Variants in NIM1K observed in about 807,000 individuals in gnomAD.
NIM1K encodes serine/threonine-protein kinase NIM1.
Under a neutral mutation model 37.1 loss-of-function variants are expected in NIM1K, and 35 were observed. That is an observed-to-expected ratio of 0.94 (90% CI 0.72 to 1.25). NIM1K has a LOEUF of 1.25. Ranked by LOEUF, NIM1K falls within the 50% of genes most tolerant of loss-of-function variation. The pLI, the probability that NIM1K is intolerant of heterozygous loss-of-function variation, is 0.00. For missense variants in NIM1K, 564 were observed against 548.0 expected (o/e 1.03, Z -0.29); for synonymous variants, 234 against 206.6 (o/e 1.13, Z -1.14).
intron 1 of NIM1K, among the ~76,000 whole-genome samples, chr5:43,198,209 CTTTCTTTCTTTCTT>C (rs1751958230): frequency 1.7e-5 from 1 of 60,166 alleles, no homozygotes; most frequent in Admixed American, 1.9e-4. Context: ...CTTTCTTTCT[CTTTCTTTCTTTCTT>C]TCTTTCTTTC....
chr5:43,229,032 A>G (rs190991945), intron 1 of NIM1K, among the ~76,000 whole-genome samples: 1 of 152,294 alleles, frequency 6.6e-6, no homozygotes, highest in East Asian at 1.9e-4. Flanking sequence ...TACTTTTTAA[A>G]ACAATAACAC....
intron 2 of NIM1K, among the ~76,000 whole-genome samples, chr5:43,273,870 A>AT (rs547594237): frequency 1.4e-3 from 207 of 149,554 alleles, no homozygotes; most frequent in African/African-American, 3.5e-3. Flanking sequence ...GTAAGAAGGG[A>AT]TTTTTTTTTT....
At chr5:43,198,195 CTTTCTTTCTTTCTCTTTCTTTCTTTCTT>C (rs1445324720) in intron 1 of NIM1K, among the ~76,000 whole-genome samples, 100 of 53,516 alleles carry the variant, frequency 1.9e-3, no homozygotes, top group South Asian at 4.0e-3. Flanking sequence ...TTCTTTCTTT[CTTTCTTTCTTTCTCTTTCTTTCTTTCTT>C]TCTTTCTTTC....
chr5:43,260,945 CT>C (rs1158009300), intron 2 of NIM1K, among the ~76,000 whole-genome samples: 6 of 152,094 alleles, frequency 3.9e-5, no homozygotes, highest in African/African-American at 7.2e-5. Context: ...TGAACTCATC[CT>C]TTTTTATGAC....
chr5:43,196,531 A>G (rs1441069350), intron 1 of NIM1K, among the ~76,000 whole-genome samples: 1 of 151,824 alleles, frequency 6.6e-6, no homozygotes, highest in African/African-American at 2.4e-5. Context: ...GCTACTCGGG[A>G]GGCTGAGGCA....
At chr5:43,230,611 C>A (rs1364340433) in intron 1 of NIM1K, among the ~76,000 whole-genome samples, 3 of 152,184 alleles carry the variant, frequency 2.0e-5, no homozygotes, top group African/African-American at 7.2e-5. Context: ...AAATAGACAC[C>A]TCCCACTCCA....
chr5:43,239,855 G>A (rs1322367919), intron 1 of NIM1K, among the ~76,000 whole-genome samples: 1 of 151,770 alleles, frequency 6.6e-6, no homozygotes, highest in Non-Finnish European at 1.5e-5. Context: ...GAGGTTTTTT[G>A]TTTTTTGGAA....
At chr5:43,218,779 C>T (rs1288835655) in intron 1 of NIM1K, among the ~76,000 whole-genome samples, 1 of 150,100 alleles carries the variant, frequency 6.7e-6, no homozygotes, top group Non-Finnish European at 1.5e-5. Context: ...TGCAGTGGCA[C>T]AGTCACATTC....
At chr5:43,206,683 C>A in intron 1 of NIM1K, 1 of 692,674 alleles carries the variant, frequency 1.4e-6, no homozygotes, top group Non-Finnish European at 2.7e-6. Flanking sequence ...GCCACTCCCC[C>A]AGGTATGGCA....
chr5:43,255,452 G>C (rs1016302294), intron 2 of NIM1K, among the ~76,000 whole-genome samples: 3 of 152,104 alleles, frequency 2.0e-5, no homozygotes, highest in African/African-American at 7.2e-5. Context: ...AGCGATAAGT[G>C]ATAAGAAAGA....
intron 2 of NIM1K, among the ~76,000 whole-genome samples, chr5:43,271,074 C>G (rs570944423): frequency 6.6e-6 from 1 of 151,454 alleles, no homozygotes; most frequent in South Asian, 2.1e-4. Flanking sequence ...TACCTACTTA[C>G]AAGCTTCCAG....
chr5:43,206,032 A>C (rs1259887285), intron 1 of NIM1K, among the ~76,000 whole-genome samples: 5 of 152,034 alleles, frequency 3.3e-5, no homozygotes, highest in Non-Finnish European at 7.4e-5. Flanking sequence ...TACTACTACT[A>C]TTTATTTGGT....
chr5:43,268,096 T>C (rs902301744), intron 2 of NIM1K, among the ~76,000 whole-genome samples: 1 of 152,166 alleles, frequency 6.6e-6, no homozygotes, highest in Non-Finnish European at 1.5e-5. Flanking sequence ...TTTCCTTAGG[T>C]CTAGCAGTAA....
chr5:43,265,135 C>T (rs1220770286), intron 2 of NIM1K, among the ~76,000 whole-genome samples: 2 of 152,192 alleles, frequency 1.3e-5, no homozygotes, highest in Non-Finnish European at 2.9e-5. Flanking sequence ...GTGATGTTCT[C>T]TGCACTTCCT....
At chr5:43,253,132 C>T (rs570609862) in intron 2 of NIM1K, among the ~76,000 whole-genome samples, 114 of 145,176 alleles carry the variant, frequency 7.9e-4, no homozygotes, top group African/African-American at 2.7e-3. Context: ...TGTGAGACAC[C>T]ATGACTGGCC....
At chr5:43,273,597 G>A (rs1290632861) in intron 2 of NIM1K, among the ~76,000 whole-genome samples, 2 of 152,150 alleles carry the variant, frequency 1.3e-5, no homozygotes, top group African/African-American at 4.8e-5. Context: ...GTTAAAGCCT[G>A]CATTTCTAAA....
chr5:43,280,773 C>T lies in NIM1K; in HGVS notation c.*44C>T. The T allele has an allele frequency of 6.7e-7, 1 of 1,484,082 alleles. No individual in the cohort carries two copies. The highest frequency in any genetic ancestry group is 9.0e-7 in the Non-Finnish European group (1 of 1,114,940). 91.9% of individuals were successfully genotyped at this position (1,484,082 alleles called of 1,614,324 possible). ...TAACTAACCAAGATGATTGTTGCTG[C>T]TTCTAAATTTTTTTCAAGGACAACT... On this transcript the variant is annotated 3_prime_UTR_variant, in exon 4 of 4. Transcript: ENST00000326035.
Position 43,263,433 on chromosome 5 carries a change from T to C in NIM1K, c.293-13624T>C, listed in dbSNP as rs547703102. 1.9e-3 allele frequency among the ~76,000 whole-genome samples: 282 copies of C among 152,326 alleles called. 1 individual carries two copies. The highest frequency in any genetic ancestry group is 6.6e-3 in the African/African-American group (274 of 41,582). On this transcript the variant is annotated intron_variant, in intron 2 of 3. Transcript: ENST00000326035. ...TAGTTTTCTCTGATGGTAGTTTGTA[T>C]TTCTGTGGGATCGGTGGTGATATCC...
chr5:43,232,603 G>A (rs780625975), intron 1 of NIM1K: 2 of 1,564,506 alleles, frequency 1.3e-6, no homozygotes, highest in Non-Finnish European at 1.7e-6. Flanking sequence ...GGTGTGGGAG[G>A]TGAGGATGGA....
Sources: allele counts gnomAD v4.1 joint callset (sites outside exome capture counted in the v4.1 genomes callset), GRCh38; gene constraint gnomAD v4.1.1; transcripts MANE v1.5; gene names NCBI Gene and HGNC (gene_info 2026-07-23, HGNC 2026-07-21).